SYK: variants seen among roughly 807,000 people sequenced by gnomAD.
The protein encoded by SYK is spleen associated tyrosine kinase.
SYK carries 16 observed loss-of-function variants against 77.8 expected under a neutral mutation model. The observed-to-expected ratio is 0.21, with a 90% CI of 0.14 to 0.31. SYK has a LOEUF of 0.31. Ranked by LOEUF, SYK falls within the 10% of genes least tolerant of loss-of-function variation. SYK has a pLI of 1.00. For missense variants in SYK, 529 were observed against 814.4 expected (o/e 0.65, Z 4.26); for synonymous variants, 312 against 308.7 (o/e 1.01, Z -0.11).
chr9:90,880,321 C>A (rs1051649298), intron 11 of SYK, among the ~76,000 whole-genome samples: 2 of 152,226 alleles, frequency 1.3e-5, no homozygotes, highest in Admixed American at 1.3e-4. Context: ...ACTCCACCAT[C>A]TTGAGCACAA....
At chr9:90,846,966 C>A (rs1174664340) in intron 3 of SYK, among the ~76,000 whole-genome samples, 1 of 152,230 alleles carries the variant, frequency 6.6e-6, no homozygotes, top group Non-Finnish European at 1.5e-5. Context: ...TAGCATAATC[C>A]ACACGATGAG....
At chr9:90,852,743 G>A (rs1172243647) in intron 3 of SYK, among the ~76,000 whole-genome samples, 1 of 152,080 alleles carries the variant, frequency 6.6e-6, no homozygotes, top group African/African-American at 2.4e-5. Flanking sequence ...TCTACCTTCT[G>A]ACTTTAGAAA....
At chr9:90,870,980 C>CA (rs1231692340) in intron 7 of SYK, among the ~76,000 whole-genome samples, 8 of 152,188 alleles carry the variant, frequency 5.3e-5, no homozygotes, top group Non-Finnish European at 1.0e-4. Flanking sequence ...GTTCCACAGA[C>CA]CAATAATTTT....
chr9:90,825,723 C>T (rs290976), intron 1 of SYK, among the ~76,000 whole-genome samples: 129,619 of 152,110 alleles, frequency 0.85, 55,555 homozygotes, highest in Non-Finnish European at 0.88. Context: ...GGTGGGGGCA[C>T]TGACAGCCAG....
Position 90,897,048 on chromosome 9 carries a change from C to T in SYK, c.*1448C>T, listed in dbSNP as rs202178674. On this transcript the variant is annotated 3_prime_UTR_variant, in exon 14 of 14. Transcript: ENST00000375754. ...TCAAAACAAACAAACAAAAAAACAA[C>T]TTAAAGAGGTAATTTAGCCATCATT... The T allele has an allele frequency of 2.0e-4, 43 of 216,774 alleles. No individual in the cohort carries two copies. The highest frequency in any genetic ancestry group is 5.2e-4 in the Admixed American group (9 of 17,210). The allele number at this position is 216,774 out of a possible 1,614,324, so 13.4% of individuals were successfully genotyped here. A position where few individuals can be genotyped will look rare whatever the true frequency, so the allele number is the denominator to read the frequency against.
chr9:90,812,720 A>G (rs1446381526), intron 1 of SYK, among the ~76,000 whole-genome samples: 3 of 149,398 alleles, frequency 2.0e-5, no homozygotes, highest in South Asian at 2.1e-4. Context: ...GGCAGGCCAG[A>G]GTGGCTCCTC....
At chr9:90,826,656 G>C (rs527442019) in intron 1 of SYK, among the ~76,000 whole-genome samples, 1 of 152,206 alleles carries the variant, frequency 6.6e-6, no homozygotes, top group Non-Finnish European at 1.5e-5. Flanking sequence ...CGTTTCCAGG[G>C]ATGTTTCACG....
intron 1 of SYK, among the ~76,000 whole-genome samples, chr9:90,833,003 G>A (rs1825947450): frequency 6.6e-6 from 1 of 152,266 alleles, no homozygotes; most frequent in South Asian, 2.1e-4. Flanking sequence ...GCTGGCTATT[G>A]GCTAGAGGCC....
chr9:90,870,899 A>T (rs1827705086), intron 7 of SYK, among the ~76,000 whole-genome samples: 1 of 152,236 alleles, frequency 6.6e-6, no homozygotes, highest in African/African-American at 2.4e-5. Context: ...AGTAAAAATT[A>T]AGATCTAGTA....
intron 4 of SYK, 79 bp downstream of exon 4, chr9:90,862,423 G>A: frequency 2.7e-6 from 4 of 1,500,396 alleles, no homozygotes; most frequent in Non-Finnish European, 3.6e-6. Flanking sequence ...TCTTAGACAT[G>A]AGAGGAACTG....
At chr9:90,857,494 G>A (rs553214268) in intron 3 of SYK, among the ~76,000 whole-genome samples, 5 of 152,344 alleles carry the variant, frequency 3.3e-5, no homozygotes, top group Admixed American at 3.3e-4. Context: ...TAAACGACAG[G>A]TGTGTTAAAA....
intron 1 of SYK, among the ~76,000 whole-genome samples, chr9:90,834,380 A>C (rs1337105334): frequency 1.3e-5 from 2 of 152,182 alleles, no homozygotes; most frequent in African/African-American, 4.8e-5. Context: ...AATTAGTTAC[A>C]GTGGCTTTGG....
At position 90,832,116 on chromosome 9, in the gene SYK, A is replaced by G. The variant is rs185775100; in HGVS notation, c.-41-11742A>G. Among the ~76,000 whole-genome samples, 137 of 152,388 alleles carry G rather than the reference A, an allele frequency of 9.0e-4. 3 individuals carry two copies. The highest frequency in any genetic ancestry group is 2.2e-4 in the Non-Finnish European group (15 of 68,044). On this transcript the variant is annotated intron_variant, in intron 1 of 13. Coordinates refer to ENST00000375754, the MANE Select transcript of SYK (RefSeq NM_003177.7). ...TGATTGACAAAAAAGTTGTAACCAG[A>G]GGATCACAAAAACCTAACACCATAT... is the stretch of plus-strand genomic sequence containing the variant.
At chr9:90,855,954 G>A (rs10993725) in intron 3 of SYK, among the ~76,000 whole-genome samples, 23,182 of 152,186 alleles carry the variant, frequency 0.15, 2,633 homozygotes, top group African/African-American at 0.28. Context: ...GATTTTCATA[G>A]TTCATTGGAG....
chr9:90,831,535 A>G lies in SYK; in HGVS notation c.-41-12323A>G, dbSNP rs534526115. ...AAGGTAAATTTATATATCTTTATGGATGAGGTTGGGTCTTTTCAGGGAAGG... is the reference window on the plus strand; with the variant it reads ...AAGGTAAATTTATATATCTTTATGGGTGAGGTTGGGTCTTTTCAGGGAAGG... On this transcript the variant is annotated intron_variant, in intron 1 of 13. Coordinates refer to ENST00000375754, the MANE Select transcript of SYK (RefSeq NM_003177.7). Among the ~76,000 whole-genome samples the G allele has an allele frequency of 5.3e-5, 8 of 152,328 alleles. No homozygotes were observed. In the East Asian group the frequency reaches 1.3e-3, roughly 26 times the overall value.
chr9:90,838,493 G>T (rs1287040511), intron 1 of SYK, among the ~76,000 whole-genome samples: 1 of 152,188 alleles, frequency 6.6e-6, no homozygotes, highest in East Asian at 1.9e-4. Flanking sequence ...CATTTAACTT[G>T]TGTCACAAAA....
At chr9:90,885,330 A>T (rs1290711789) in intron 11 of SYK, among the ~76,000 whole-genome samples, 2 of 152,122 alleles carry the variant, frequency 1.3e-5, no homozygotes, top group East Asian at 3.8e-4. Context: ...AGAAATAGAT[A>T]TTTTTAAAAG....
chr9:90,879,070 ATAAC>A (rs1828050905), intron 11 of SYK, 117 bp downstream of exon 11: 3 of 685,504 alleles, frequency 4.4e-6, no homozygotes, highest in African/African-American at 1.8e-5. Flanking sequence ...CTACTGAAAA[ATAAC>A]TATGTAAGAT....
chr9:90,877,483 C>A, intron 9 of SYK, 88 bp from the exon 10 acceptor site: 1 of 1,447,538 alleles, frequency 6.9e-7, no homozygotes, highest in Non-Finnish European at 9.5e-7. Flanking sequence ...GGGACTGTTT[C>A]CACAGGGGGA....
Sources: allele counts gnomAD v4.1 joint callset (sites outside exome capture counted in the v4.1 genomes callset), GRCh38; gene constraint gnomAD v4.1.1; transcripts MANE v1.5; gene names NCBI Gene and HGNC (gene_info 2026-07-23, HGNC 2026-07-21).